Variants in HDAC7 observed in about 807,000 individuals in gnomAD.
The protein encoded by HDAC7 is histone deacetylase 7A.
Under a neutral mutation model 115.5 loss-of-function variants are expected in HDAC7, and 26 were observed. The ratio of observed to expected loss-of-function variants is 0.23; its 90% confidence interval spans 0.16 to 0.31. The LOEUF (loss-of-function observed/expected upper bound fraction) is 0.31. HDAC7 is among the 10% of genes least tolerant of loss of function. The pLI is 1.00. For synonymous variants in HDAC7, 564 were observed against 550.9 expected, an observed-to-expected ratio of 1.02 and a Z score of -0.33; for missense variants, 1,068 against 1,329.0, an observed-to-expected ratio of 0.80 and a Z score of 3.05.
At position 47,784,178 on chromosome 12, in the gene HDAC7, G is replaced by A; in HGVS notation, c.2831C>T (p.Pro944Leu). The part of the protein sequence containing the change: ...WGCMQRLASC[P>L]DSWVPRVPGA... Reference sequence around the variant, plus strand: ...TGGCACTCTAGGCACCCAGGAGTCTGGACAGGAGGCCAGGCGCTGCATGCA... The same window carrying A: ...TGGCACTCTAGGCACCCAGGAGTCTAGACAGGAGGCCAGGCGCTGCATGCA... Residue 944 changes from proline (P) to leucine (L), a missense_variant, in exon 25 of 26, where the codon CCA becomes CTA. Around this residue, in one of 6 missense-constraint regions of HDAC7, gnomAD observed 98 missense variants for 123.9 expected, o/e 0.79. Transcript: ENST00000080059. 2 of 1,613,184 alleles carry A rather than the reference G, an allele frequency of 1.2e-6. No homozygotes were observed. The highest frequency in any genetic ancestry group is 1.7e-6 in the Non-Finnish European group (2 of 1,179,620).
At position 47,791,513 on chromosome 12, in the gene HDAC7, G is replaced by A. The variant is rs541432575; in HGVS notation, c.1933+73C>T. The A allele has an allele frequency of 5.2e-6, 8 of 1,532,034 alleles. No homozygotes were observed. The East Asian group carries it at 9.7e-5, about 19-fold the overall frequency. 94.9% of individuals were successfully genotyped at this position (1,532,034 alleles called of 1,614,324 possible). A position where few individuals can be genotyped will look rare whatever the true frequency, so the allele number is the denominator to read the frequency against. On this transcript the variant is annotated intron_variant, in intron 15 of 25. Coordinates refer to ENST00000080059, the MANE Select transcript of HDAC7 (RefSeq NM_015401.5). ...CAGGAGGAGGCTGGCTGGGCGGGCA[G>A]AGCCGAGACAGGAGTGCATGGGAGC... is the stretch of plus-strand genomic sequence containing the variant.
In HDAC7 at chr12:47,795,398, G is replaced by A. The variant is rs1943760007; in HGVS notation, c.1088-18C>T. The A allele has an allele frequency of 6.4e-6, 10 of 1,566,662 alleles. No homozygotes were observed. The East Asian group carries it at 2.4e-4, about 37-fold the overall frequency. ...CCCGGGCACTGGAAAGAATCGGGGG[G>A]TGGAATAAGGAGGGAACCACAGGGA... On this transcript the variant is annotated intron_variant, in intron 10 of 25. Coordinates refer to ENST00000080059, the MANE Select transcript of HDAC7 (RefSeq NM_015401.5). This position sits in a 1 kb window ranked among gnomAD's most constrained non-coding sequence, Gnocchi z 4.3.
In HDAC7 at chr12:47,794,920, G is replaced by C. The variant is rs769065890; in HGVS notation, c.1298C>G (p.Pro433Arg). ...CTGCCGCAGCCGGGGCTTCTCACTCGGCTTGGCTGACCTCTGGGGAGGGGA... is the reference window on the plus strand; with the variant it reads ...CTGCCGCAGCCGGGGCTTCTCACTCCGCTTGGCTGACCTCTGGGGAGGGGA... Reference protein sequence around the residue: ...HVQVIKRSAKPSEKPRLRQIP... With the variant: ...HVQVIKRSAKRSEKPRLRQIP... Residue 433 changes from proline (P) to arginine (R), a missense_variant, in exon 12 of 26, where the codon CCG (proline) becomes CGG (arginine). Pro to Arg is a moderately radical substitution (Grantham distance 103). This residue lies in a region of HDAC7 where 618 missense variants were observed against 701.5 expected (regional missense o/e 0.88). Coordinates refer to ENST00000080059, the MANE Select transcript of HDAC7 (RefSeq NM_015401.5). 2.5e-6 allele frequency: 4 copies of C among 1,612,100 alleles called. No homozygotes were observed. In the African/African-American group the frequency reaches 5.3e-5, roughly 22 times the overall value.
At chr12:47,785,307 T>C in intron 24 of HDAC7, 80 bp downstream of exon 24, 2 of 1,240,414 alleles carry the variant, frequency 1.6e-6, no homozygotes, top group South Asian at 1.4e-5. Context: ...CCGGAAGCCC[T>C]AGGATCTGGC....
In HDAC7 at chr12:47,797,993, G is replaced by C; in HGVS notation, c.461+115C>G. 4 of 774,254 alleles carry C rather than the reference G, an allele frequency of 5.2e-6. No individual in the cohort carries two copies. The allele number at this position is 774,254 out of a possible 1,614,324, so 48.0% of individuals were successfully genotyped here. A position where few individuals can be genotyped will look rare whatever the true frequency, so the allele number is the denominator to read the frequency against. On this transcript the variant is annotated intron_variant, in intron 5 of 25. Transcript: ENST00000080059. The surrounding 1 kb of genome is among the most constrained non-coding windows in gnomAD (Gnocchi z 5.5). ...GGCATTATGTTTAGAGGAAGGGTAA[G>C]GACTGGTTGTGGCAACTGGGGAGGA...
chr12:47,798,100 G>T lies in HDAC7; in HGVS notation c.461+8C>A. 6.2e-7 allele frequency: 1 copy of T among 1,600,110 alleles called. No homozygotes were observed. Among genetic ancestry groups the T allele is most frequent in the Non-Finnish European group, 8.6e-7 (1 of 1,167,500 alleles). On this transcript the variant is annotated splice_region_variant and intron_variant, in intron 5 of 25. Coordinates refer to ENST00000080059, the MANE Select transcript of HDAC7 (RefSeq NM_015401.5). This position sits in a 1 kb window ranked among gnomAD's most constrained non-coding sequence, Gnocchi z 4.3. The stretch of plus-strand genomic sequence containing the variant: ...TGGGGACAGGAGGGCAGGTGAGGAG[G>T]GTGTTACCTGTAGGGAATGCCGGGG...
At chr12:47,785,214 C>G (rs3815134) in intron 24 of HDAC7, 173 bp downstream of exon 24, 2 of 632,606 alleles carry the variant, frequency 3.2e-6, no homozygotes, top group Admixed American at 3.0e-5. Context: ...AGGATAACCC[C>G]TCACTGGGGG....
intron 1 of HDAC7, among the ~76,000 whole-genome samples, chr12:47,812,613 C>T (rs909120871): frequency 6.6e-6 from 1 of 152,170 alleles, no homozygotes; most frequent in African/African-American, 2.4e-5. Flanking sequence ...TCAGCCAAGG[C>T]CATCCCATTC....
chr12:47,785,663 C>G, intron 23 of HDAC7, 89 bp downstream of exon 23: 1 of 1,487,890 alleles, frequency 6.7e-7, no homozygotes, highest in South Asian at 1.3e-5. Flanking sequence ...CCCACCCTGT[C>G]CCATCCCATC....
chr12:47,793,380 G>A lies in HDAC7; in HGVS notation c.1667C>T (p.Pro556Leu). Residue 556 changes from proline (P) to leucine (L), a missense_variant, in exon 13 of 26, where the codon CCC (proline) becomes CTC (leucine). Physicochemically the swap from Pro to Leu is moderately conservative, Grantham distance 98 (BLOSUM62 -3). This residue lies in a region of HDAC7 where 618 missense variants were observed against 701.5 expected (regional missense o/e 0.88). Transcript: ENST00000080059. This position sits in a 1 kb window ranked among gnomAD's most constrained non-coding sequence, Gnocchi z 4.5. ...SSSETPARTLPFTTGLIYDSV... is the reference protein window; with the variant it reads ...SSSETPARTLLFTTGLIYDSV... The stretch of plus-strand genomic sequence containing the variant: ...CCTCCCGGTCTCACCTGTGGTGAAG[G>A]GCAGGGTCCTGGCAGGGGTCTCTGA... The A allele has an allele frequency of 6.5e-7, 1 of 1,542,830 alleles. No homozygotes were observed. Among genetic ancestry groups the A allele is most frequent in the Non-Finnish European group, 8.8e-7 (1 of 1,141,454 alleles).
rs563742821 is a variant in HDAC7, at chr12:47,786,774, G to A, written c.2454-71C>T. Reference sequence around the variant, plus strand: ...CCAGGGGCGGTCCTGCCAACTTTGCGGTGGGGCACCCTGTTCTTAGGACTC... The same window carrying A: ...CCAGGGGCGGTCCTGCCAACTTTGCAGTGGGGCACCCTGTTCTTAGGACTC... On this transcript the variant is annotated intron_variant, in intron 21 of 25. Transcript: ENST00000080059. The A allele has an allele frequency of 9.6e-5, 114 of 1,191,132 alleles. 1 individual carries two copies. The East Asian group carries it at 2.2e-3, about 23-fold the overall frequency. 73.8% of individuals were successfully genotyped at this position (1,191,132 alleles called of 1,614,324 possible). A position where few individuals can be genotyped will look rare whatever the true frequency, so the allele number is the denominator to read the frequency against.
intron 1 of HDAC7, among the ~76,000 whole-genome samples, chr12:47,807,318 A>G (rs551139757): frequency 3.3e-5 from 5 of 152,274 alleles, no homozygotes; most frequent in South Asian, 4.1e-4. Flanking sequence ...TTTGTAAGCG[A>G]ACACCTTATT....
Position 47,793,331 on chromosome 12 carries a change from G to GCCCCC in HDAC7, c.1678+37_1678+38insGGGGG. ...CACCCACATGGACTCGTGCAGCCGA[G>GCCCCC]CCCCTCCCTCCACCCGCCACCCTCC... On this transcript the variant is annotated intron_variant, in intron 13 of 25. Transcript: ENST00000080059. The surrounding 1 kb of genome is among the most constrained non-coding windows in gnomAD (Gnocchi z 4.5). The GCCCCC allele has an allele frequency of 7.7e-7, 1 of 1,305,494 alleles. No homozygotes were observed. Among genetic ancestry groups the GCCCCC allele is most frequent in the Non-Finnish European group, 1.0e-6 (1 of 952,722 alleles). 80.9% of individuals were successfully genotyped at this position (1,305,494 alleles called of 1,614,324 possible). A position where few individuals can be genotyped will look rare whatever the true frequency, so the allele number is the denominator to read the frequency against.
intron 21 of HDAC7, among the ~76,000 whole-genome samples, 175 bp from the exon 22 acceptor site, chr12:47,786,878 A>G (rs1056755071): frequency 2.6e-5 from 4 of 152,204 alleles, no homozygotes; most frequent in African/African-American, 9.6e-5. Context: ...TGTCCCTGGC[A>G]CACACAGCCT....
intron 1 of HDAC7, among the ~76,000 whole-genome samples, chr12:47,805,054 C>T (rs1194305519): frequency 6.6e-6 from 1 of 151,438 alleles, no homozygotes; most frequent in Non-Finnish European, 1.5e-5. Flanking sequence ...CCTCCCGATG[C>T]CTCCAGTGTC....
intron 1 of HDAC7, among the ~76,000 whole-genome samples, chr12:47,817,126 A>ATAC (rs773456781): frequency 2.0e-5 from 3 of 152,158 alleles, no homozygotes; most frequent in Non-Finnish European, 4.4e-5. Flanking sequence ...AGGAAACACA[A>ATAC]TACCCGGCAG....
chr12:47,791,496 G>A (rs1331874379), intron 15 of HDAC7, 90 bp downstream of exon 15: 5 of 1,506,792 alleles, frequency 3.3e-6, no homozygotes, highest in East Asian at 4.9e-5. Flanking sequence ...TGCAGGAGGA[G>A]GCTGGCTGGG....
chr12:47,791,554 G>A, intron 15 of HDAC7, 32 bp downstream of exon 15: 1 of 1,586,374 alleles, frequency 6.3e-7, no homozygotes. Context: ...GAGGTAAGCT[G>A]GCATGGGGAG....
intron 1 of HDAC7, among the ~76,000 whole-genome samples, chr12:47,817,132 G>A (rs1021128894): frequency 3.9e-5 from 6 of 152,172 alleles, no homozygotes; most frequent in African/African-American, 7.2e-5. Context: ...CACAATACCC[G>A]GCAGGGTCAC....
Sources: gnomAD v4.1 joint callset for allele counts (sites outside exome capture counted in the v4.1 genomes callset) on GRCh38, gnomAD v4.1.1 for gene constraint, gnomAD v4.1.1 regional missense constraint, Gnocchi (gnomAD v3.1) non-coding constraint, MANE v1.5 for transcripts, NCBI Gene and HGNC (gene_info 2026-07-23, HGNC 2026-07-21) for gene names.